The following RABGAP1L variants were observed in gnomAD, a reference collection of about 807,000 sequenced individuals.
The protein encoded by RABGAP1L is RAB GTPase activating protein 1 like.
Under a neutral mutation model 137.7 loss-of-function variants are expected in RABGAP1L, and 63 were observed. The ratio of observed to expected loss-of-function variants is 0.46; its 90% CI spans 0.37 to 0.56. RABGAP1L has a LOEUF of 0.56. Among genes scored for constraint, RABGAP1L ranks in the 20% least tolerant of loss-of-function variants. The pLI is 0.00. For missense variants in RABGAP1L, 1,095 were observed against 1,244.0 expected (o/e 0.88, Z 1.80); for synonymous variants, 431 against 433.7 (o/e 0.99, Z 0.08).
chr1:174,944,283 A>G (rs1329000993), intron 19 of RABGAP1L, among the ~76,000 whole-genome samples: 2 of 148,266 alleles, frequency 1.3e-5, no homozygotes, highest in African/African-American at 5.2e-5. Flanking sequence ...TCAAAAAAAA[A>G]AAAAAAAAAA....
At chr1:174,687,298 A>G (rs1678551734) in intron 15 of RABGAP1L, among the ~76,000 whole-genome samples, 1 of 152,174 alleles carries the variant, frequency 6.6e-6, no homozygotes, top group Admixed American at 6.5e-5. Flanking sequence ...TACAAGAGAG[A>G]CAGAAATTCA....
intron 20 of RABGAP1L, among the ~76,000 whole-genome samples, chr1:174,963,882 A>G (rs1241974846): frequency 6.6e-6 from 1 of 152,176 alleles, no homozygotes; most frequent in East Asian, 1.9e-4. Context: ...CCCCTGTGCA[A>G]GAGTATAACC....
At position 174,419,142 on chromosome 1, in the gene RABGAP1L, A is replaced by G. The variant is rs118135692; in HGVS notation, c.1710+24997A>G. On this transcript the variant is annotated intron_variant, in intron 13 of 25. Coordinates refer to ENST00000681986, the MANE Select transcript of RABGAP1L (RefSeq NM_001366446.1). ...TAGAGTACTTAGTTTTTGATAATCT[A>G]TTCTTGGTTTATTTACATTCAGTTT... is the stretch of plus-strand genomic sequence containing the variant. Among the ~76,000 whole-genome samples the G allele has an allele frequency of 5.3e-5, 8 of 152,340 alleles. No individual in the cohort carries two copies. In the East Asian group the frequency reaches 1.5e-3, roughly 29 times the overall value.
intron 13 of RABGAP1L, among the ~76,000 whole-genome samples, chr1:174,626,072 A>G (rs1672921019): frequency 6.6e-6 from 1 of 152,238 alleles, no homozygotes; most frequent in African/African-American, 2.4e-5. Flanking sequence ...AAGGAGTTGC[A>G]GGTTTCATTA....
intron 18 of RABGAP1L, among the ~76,000 whole-genome samples, chr1:174,762,529 C>G (rs977515649): frequency 6.6e-6 from 1 of 152,184 alleles, no homozygotes; most frequent in African/African-American, 2.4e-5. Context: ...TCTAGGACAT[C>G]TATTTGACAG....
chr1:174,870,939 C>T (rs1652089085), intron 19 of RABGAP1L, among the ~76,000 whole-genome samples: 1 of 151,998 alleles, frequency 6.6e-6, no homozygotes, highest in Non-Finnish European at 1.5e-5. Context: ...TGGGGTTTCA[C>T]CGTGTTAGCC....
intron 13 of RABGAP1L, among the ~76,000 whole-genome samples, chr1:174,596,798 C>A (rs1252766090): frequency 6.6e-6 from 1 of 152,084 alleles, no homozygotes; most frequent in African/African-American, 2.4e-5. Context: ...TGTTCCAGAT[C>A]TTGGAGGAAA....
chr1:174,727,594 G>A (rs1029396397), intron 17 of RABGAP1L, among the ~76,000 whole-genome samples: 4 of 152,140 alleles, frequency 2.6e-5, no homozygotes, highest in African/African-American at 9.7e-5. Flanking sequence ...GAAAGAACAA[G>A]TTCTGGTATT....
chr1:174,879,353 C>T (rs1407291290), intron 19 of RABGAP1L, among the ~76,000 whole-genome samples: 1 of 152,070 alleles, frequency 6.6e-6, no homozygotes, highest in African/African-American at 2.4e-5. Context: ...CCGCCTCGGC[C>T]TCCCAAAGTG....
At chr1:174,623,171 G>C (rs1434452314) in intron 13 of RABGAP1L, among the ~76,000 whole-genome samples, 1 of 152,110 alleles carries the variant, frequency 6.6e-6, no homozygotes, top group Non-Finnish European at 1.5e-5. Context: ...CAGTCTTGAG[G>C]AACTATTTTA....
chr1:174,534,993 G>A lies in RABGAP1L; in HGVS notation c.1711-102382G>A, dbSNP rs1324710589. On this transcript the variant is annotated intron_variant, in intron 13 of 25. Transcript: ENST00000681986. ...GTGTGGTTTGATTCATTGAGGTTATGCTCACATCATGGTCAAAAGATGAAA... is the reference window on the plus strand; with the variant it reads ...GTGTGGTTTGATTCATTGAGGTTATACTCACATCATGGTCAAAAGATGAAA... 2.6e-5 allele frequency among the ~76,000 whole-genome samples: 4 copies of A among 152,050 alleles called. No homozygotes were observed. In the East Asian group the frequency reaches 7.7e-4, roughly 29 times the overall value.
chr1:174,742,075 G>A (rs1232925276), intron 17 of RABGAP1L, among the ~76,000 whole-genome samples: 1 of 90,876 alleles, frequency 1.1e-5, no homozygotes, highest in Non-Finnish European at 2.0e-5. Flanking sequence ...AAGAGGAGGG[G>A]GAGGGGGGAG....
rs1423351115 is a variant in RABGAP1L at position 174,160,341 on chromosome 1, T to C, written c.-34+684T>C. ...TGAGTCAAAGTTTCTGAGACTGGGC[T>C]AGTACTTTGCACTGGTCGCCAACGG... is the stretch of plus-strand genomic sequence containing the variant. On this transcript the variant is annotated intron_variant, in intron 1 of 25. Transcript: ENST00000681986. Among the ~76,000 whole-genome samples the C allele has an allele frequency of 3.3e-5, 5 of 152,304 alleles. No homozygotes were observed. The East Asian group carries it at 5.8e-4, about 18-fold the overall frequency.
intron 17 of RABGAP1L, among the ~76,000 whole-genome samples, chr1:174,714,474 T>C (rs2148568079): frequency 6.6e-6 from 1 of 152,362 alleles, no homozygotes; most frequent in Non-Finnish European, 1.5e-5. Flanking sequence ...ACTCAAAGTA[T>C]CTGTTGAAGG....
chr1:174,654,852 GTTTA>G (rs1421843992), intron 14 of RABGAP1L, among the ~76,000 whole-genome samples: 2 of 152,114 alleles, frequency 1.3e-5, no homozygotes, highest in African/African-American at 4.8e-5. Context: ...TGTCTCCAGT[GTTTA>G]TTTCACATCA....
intron 11 of RABGAP1L, among the ~76,000 whole-genome samples, chr1:174,331,349 A>G (rs1681014061): frequency 6.6e-6 from 1 of 152,336 alleles, no homozygotes; most frequent in East Asian, 1.9e-4. Context: ...ACATCACACT[A>G]AAAAGCTCCT....
At chr1:174,780,093 A>C (rs1424661301) in intron 18 of RABGAP1L, among the ~76,000 whole-genome samples, 1 of 149,452 alleles carries the variant, frequency 6.7e-6, no homozygotes, top group African/African-American at 2.5e-5. Context: ...TAAATAAATA[A>C]ATAAATAAAT....
intron 18 of RABGAP1L, among the ~76,000 whole-genome samples, chr1:174,777,323 C>A (rs549903816): frequency 1.5e-3 from 236 of 152,298 alleles, no homozygotes; most frequent in African/African-American, 5.3e-3. Context: ...TTCTCATGCT[C>A]AGAACTATTG....
At chr1:174,708,445 G>A (rs561287385) in intron 17 of RABGAP1L, among the ~76,000 whole-genome samples, 11 of 152,184 alleles carry the variant, frequency 7.2e-5, no homozygotes, top group African/African-American at 2.2e-4. Context: ...TGAGGTACCC[G>A]GTTCATCTCA....
Sources: allele counts gnomAD v4.1 joint callset (sites outside exome capture counted in the v4.1 genomes callset), GRCh38; gene constraint gnomAD v4.1.1; transcripts MANE v1.5; gene names NCBI Gene and HGNC (gene_info 2026-07-23, HGNC 2026-07-21).